The following DGKB variants were observed in gnomAD, a reference collection of about 807,000 sequenced individuals.
DGKB encodes the protein 90 kDa diacylglycerol kinase.
Under a neutral mutation model 114.3 loss-of-function variants are expected in DGKB, and 67 were observed. The ratio of observed to expected loss-of-function variants is 0.59; its 90% CI spans 0.48 to 0.72. DGKB has a LOEUF of 0.72. Ranked by LOEUF, DGKB falls within the 30% of genes least tolerant of loss-of-function variation. The pLI, the probability that DGKB is intolerant of heterozygous loss-of-function variation, is 0.00. For missense variants in DGKB, 907 were observed against 975.2 expected, an observed-to-expected ratio of 0.93 and a Z score of 0.93; for synonymous variants, 398 against 323.1, an observed-to-expected ratio of 1.23 and a Z score of -2.49.
chr7:14,241,827 T>C (rs746264920), intron 23 of DGKB, among the ~76,000 whole-genome samples: 11 of 151,926 alleles, frequency 7.2e-5, no homozygotes, highest in Admixed American at 3.9e-4. Context: ...GACTGAAAAT[T>C]AATGATTAAA....
At chr7:14,655,145 C>T (rs1034921923) in intron 13 of DGKB, among the ~76,000 whole-genome samples, 1 of 151,752 alleles carries the variant, frequency 6.6e-6, no homozygotes, top group African/African-American at 2.4e-5. Flanking sequence ...TGACAAGGGC[C>T]TTTTACCTAG....
chr7:14,682,742 C>G lies in DGKB; in HGVS notation c.918+11G>C. Reference sequence around the variant, plus strand: ...GCCACCTTCAGAAAGCAAGCATGCACACAAACTTACATCAGTGTTCCTTTT... The same window carrying G: ...GCCACCTTCAGAAAGCAAGCATGCAGACAAACTTACATCAGTGTTCCTTTT... On this transcript the variant is annotated intron_variant, in intron 11 of 25. Coordinates refer to ENST00000402815, the MANE Select transcript of DGKB (RefSeq NM_001350709.2). 6.2e-7 allele frequency: 1 copy of G among 1,612,296 alleles called. No homozygotes were observed.
chr7:14,561,151 C>G (rs1796599430), intron 20 of DGKB, among the ~76,000 whole-genome samples: 1 of 152,106 alleles, frequency 6.6e-6, no homozygotes, highest in Non-Finnish European at 1.5e-5. Flanking sequence ...GCAGGTCTTT[C>G]CCGTCCTCTT....
At chr7:14,670,587 G>A (rs1818811421) in intron 13 of DGKB, among the ~76,000 whole-genome samples, 1 of 151,946 alleles carries the variant, frequency 6.6e-6, no homozygotes, top group Non-Finnish European at 1.5e-5. Context: ...TTACAGGCGT[G>A]AGCCACCATG....
intron 24 of DGKB, 98 bp from the exon 25 acceptor site, chr7:14,176,997 G>T (rs1210250837): frequency 5.8e-6 from 8 of 1,367,822 alleles, no homozygotes; most frequent in African/African-American, 2.9e-5. Flanking sequence ...AAGGCAATAT[G>T]GTAATAGTTG....
chr7:14,923,207 T>G (rs970129302), intron 1 of DGKB, among the ~76,000 whole-genome samples: 1 of 152,244 alleles, frequency 6.6e-6, no homozygotes, highest in African/African-American at 2.4e-5. Context: ...TATTTTCTAA[T>G]TTCACTATAA....
At chr7:14,228,048 C>T (rs983523831) in intron 23 of DGKB, among the ~76,000 whole-genome samples, 53 of 151,982 alleles carry the variant, frequency 3.5e-4, no homozygotes, top group African/African-American at 1.1e-3. Context: ...CCATCTTATC[C>T]TATAGGCTCA....
intron 20 of DGKB, among the ~76,000 whole-genome samples, chr7:14,538,146 C>G (rs1160500170): frequency 8.2e-6 from 1 of 122,578 alleles, no homozygotes; most frequent in Non-Finnish European, 1.8e-5. Flanking sequence ...TTCTGCACAA[C>G]AAAGAAACAA....
Position 14,489,449 on chromosome 7 carries a change from G to C in DGKB, c.1771-11224C>G, listed in dbSNP as rs17168221. Among the ~76,000 whole-genome samples, 1,304 of 152,136 alleles carry C rather than the reference G, an allele frequency of 8.6e-3. 10 individuals are homozygous for C. Among genetic ancestry groups the C allele is most frequent in the South Asian group, 0.027 (131 of 4,824 alleles). On this transcript the variant is annotated intron_variant, in intron 20 of 25. Transcript: ENST00000402815. The stretch of plus-strand genomic sequence containing the variant: ...TATCTTTCTCAGTTAAGGCACAAAG[G>C]TTGTATCCATCAATTACATTTATAT...
At chr7:14,553,864 G>GC (rs1795467960) in intron 20 of DGKB, among the ~76,000 whole-genome samples, 1 of 83,162 alleles carries the variant, frequency 1.2e-5, no homozygotes, top group Non-Finnish European at 2.6e-5. Flanking sequence ...TCCTTTACAT[G>GC]CTTTTTTTTT....
Position 14,825,016 on chromosome 7 carries a change from GTATATATATATATATATATATATA to G in DGKB, c.70+16154_70+16177del, listed in dbSNP as rs67135250. Among the ~76,000 whole-genome samples the G allele has an allele frequency of 1.2e-3, 109 of 92,412 alleles. 3 individuals carry two copies. Among genetic ancestry groups the G allele is most frequent in the Middle Eastern group, 7.7e-3 (1 of 130 alleles). 60.6% of individuals were successfully genotyped at this position (92,412 alleles called of 152,430 possible). A position where few individuals can be genotyped will look rare whatever the true frequency, so the allele number is the denominator to read the frequency against. ...TGTGTATATATATATGTATGTGTAT[GTATATATATATATATATATATATA>G]TATATATATATATATATCACATGTA... On this transcript the variant is annotated intron_variant, in intron 2 of 25. Coordinates refer to ENST00000402815, the MANE Select transcript of DGKB (RefSeq NM_001350709.2).
At chr7:14,519,791 C>A (rs780074269) in intron 20 of DGKB, among the ~76,000 whole-genome samples, 1 of 151,636 alleles carries the variant, frequency 6.6e-6, no homozygotes, top group African/African-American at 2.4e-5. Flanking sequence ...ATTTGCATTT[C>A]TTTAATTATT....
intron 23 of DGKB, among the ~76,000 whole-genome samples, chr7:14,231,343 G>A (rs564056362): frequency 5.3e-5 from 8 of 151,884 alleles, no homozygotes; most frequent in African/African-American, 1.9e-4. Context: ...TTACTATGTT[G>A]CCCAGGCTGG....
At chr7:14,156,408 A>C (rs1002908477) in intron 25 of DGKB, among the ~76,000 whole-genome samples, 2 of 152,120 alleles carry the variant, frequency 1.3e-5, no homozygotes, top group African/African-American at 4.8e-5. Context: ...TCTCTGAACT[A>C]CTCAACACTG....
At chr7:14,455,599 CTA>C (rs1832168901) in intron 21 of DGKB, among the ~76,000 whole-genome samples, 1 of 151,838 alleles carries the variant, frequency 6.6e-6, no homozygotes, top group Admixed American at 6.6e-5. Context: ...AAGTAATTTT[CTA>C]TGTTTTCTAA....
chr7:14,278,497 T>G (rs1240270527), intron 23 of DGKB, among the ~76,000 whole-genome samples: 1 of 152,074 alleles, frequency 6.6e-6, no homozygotes, highest in African/African-American at 2.4e-5. Context: ...CCAACTCAAA[T>G]GGACTAAACA....
At chr7:14,954,615 G>A (rs1460512211) in intron 1 of DGKB, among the ~76,000 whole-genome samples, 1 of 151,738 alleles carries the variant, frequency 6.6e-6, no homozygotes, top group African/African-American at 2.4e-5. Flanking sequence ...TGGGGGGAGG[G>A]GGTTACAAAT....
intron 21 of DGKB, among the ~76,000 whole-genome samples, chr7:14,358,872 C>A (rs555690145): frequency 9.2e-5 from 14 of 152,050 alleles, no homozygotes; most frequent in Non-Finnish European, 1.9e-4. Context: ...CCACACTGCC[C>A]AAGGTAATTT....
chr7:14,261,845 A>C (rs1324397623), intron 23 of DGKB, among the ~76,000 whole-genome samples: 2 of 152,152 alleles, frequency 1.3e-5, no homozygotes, highest in African/African-American at 4.8e-5. Context: ...AAAAGCTTAC[A>C]TTCCATATTT....
Sources: allele counts gnomAD v4.1 joint callset (sites outside exome capture counted in the v4.1 genomes callset), GRCh38; gene constraint gnomAD v4.1.1; transcripts MANE v1.5; gene names NCBI Gene and HGNC (gene_info 2026-07-23, HGNC 2026-07-21).